The following PHIP variants were observed in gnomAD, a reference collection of about 807,000 sequenced individuals.
The protein encoded by PHIP is PH-interacting protein.
Under a neutral mutation model 236.8 loss-of-function variants are expected in PHIP, and 54 were observed. The observed-to-expected ratio is 0.23, with a 90% confidence interval of 0.18 to 0.29. The LOEUF is 0.29. Ranked by LOEUF, PHIP falls within the 10% of genes least tolerant of loss-of-function variation. The pLI is 1.00. For synonymous variants in PHIP, 756 were observed against 718.9 expected (o/e 1.05, Z -0.83); for missense variants, 1,370 against 2,190.8 (o/e 0.63, Z 7.48).
chr6:79,004,489 T>C, intron 15 of PHIP: 1 of 759,220 alleles, frequency 1.3e-6, no homozygotes, highest in Non-Finnish European at 1.6e-6. Flanking sequence ...TTGCTCTCAG[T>C]GCTTCTTCAG....
intron 35 of PHIP, among the ~76,000 whole-genome samples, chr6:78,953,560 T>C (rs1367267539): frequency 6.6e-6 from 1 of 152,104 alleles, no homozygotes; most frequent in Non-Finnish European, 1.5e-5. Flanking sequence ...CAGTCCCAGG[T>C]TTTTTGAAAG....
intron 24 of PHIP, among the ~76,000 whole-genome samples, chr6:78,975,596 A>T (rs1249418533): frequency 1.3e-5 from 2 of 152,342 alleles, no homozygotes; most frequent in East Asian, 3.9e-4. Context: ...CCCTGTTTGC[A>T]GATGACATGA....
intron 7 of PHIP, among the ~76,000 whole-genome samples, chr6:79,027,046 T>C (rs1445783069): frequency 6.6e-6 from 1 of 152,136 alleles, no homozygotes; most frequent in Non-Finnish European, 1.5e-5. Context: ...CATGTTAGAA[T>C]GCTTAACGAC....
At chr6:78,963,020 TG>T in intron 30 of PHIP, 76 bp downstream of exon 30, 1 of 1,367,928 alleles carries the variant, frequency 7.3e-7, no homozygotes, top group Non-Finnish European at 9.8e-7. Flanking sequence ...AAAAAATTTT[TG>T]TTGGAGAATA....
intron 34 of PHIP, 29 bp downstream of exon 34, chr6:78,955,203 T>C: frequency 1.3e-6 from 2 of 1,491,890 alleles, no homozygotes; most frequent in Non-Finnish European, 1.9e-6. Flanking sequence ...TCATATAAAG[T>C]ACTTCTGCTA....
At chr6:78,954,019 A>G (rs1438738426) in intron 35 of PHIP, among the ~76,000 whole-genome samples, 2 of 152,228 alleles carry the variant, frequency 1.3e-5, no homozygotes, top group Non-Finnish European at 2.9e-5. Flanking sequence ...CATGTATTCC[A>G]TAAAGATTAC....
At chr6:79,077,169 T>C (rs1241909160) in intron 4 of PHIP, among the ~76,000 whole-genome samples, 1 of 151,562 alleles carries the variant, frequency 6.6e-6, no homozygotes, top group African/African-American at 2.4e-5. Flanking sequence ...CCCCTCCTCC[T>C]CCGGCCTTGC....
chr6:78,963,140 T>G lies in PHIP; in HGVS notation c.3492A>C (p.Glu1164Asp), dbSNP rs567792655. ...TTATTCCTGCCACAATTCTTTCACA[T>G]TCTTCATCCCTGGGATTGGTACCCC... ...GEWGTNPRDE[E>D]CERIVAGINQ... The change falls in exon 30 of 40, where the codon GAA becomes GAC. Residue 1164 changes from glutamate to aspartate, a missense_variant. This residue lies in a region of PHIP where 238 missense variants were observed against 398.5 expected (regional missense o/e 0.60). Coordinates refer to ENST00000275034, the MANE Select transcript of PHIP (RefSeq NM_017934.7). 2 of 1,609,322 alleles carry G rather than the reference T, an allele frequency of 1.2e-6. No individual in the cohort carries two copies. Among genetic ancestry groups the G allele is most frequent in the African/African-American group, 1.3e-5 (1 of 74,762 alleles).
chr6:78,992,952 G>GGCTTTTCAT (rs1452227017), intron 19 of PHIP, among the ~76,000 whole-genome samples: 1 of 152,194 alleles, frequency 6.6e-6, no homozygotes, highest in Non-Finnish European at 1.5e-5. Flanking sequence ...TATGCCTCTT[G>GGCTTTTCAT]TGCCCAACAA....
intron 32 of PHIP, chr6:78,956,700 T>C (rs1408520670): frequency 1.3e-5 from 2 of 152,194 alleles, no homozygotes; most frequent in Non-Finnish European, 2.9e-5. Flanking sequence ...ATGGCTTTCT[T>C]TTCATCTAAC....
intron 27 of PHIP, among the ~76,000 whole-genome samples, chr6:78,967,705 A>G (rs1767234460): frequency 6.6e-6 from 1 of 152,208 alleles, no homozygotes; most frequent in East Asian, 1.9e-4. Context: ...ATGCTCATTC[A>G]TTTTAATTCT....
At chr6:79,077,572 C>T (rs1774238603) in intron 3 of PHIP, 65 bp from the exon 4 acceptor site, 1 of 1,018,506 alleles carries the variant, frequency 9.8e-7, no homozygotes. Context: ...CCCTCCCCCG[C>T]CCGCCCCGCG....
rs1401535005 is a variant in PHIP at position 78,966,009 on chromosome 6, T to C, written c.3253A>G (p.Ile1085Val). ...AGTTGAAGAGGTTCCTGGCTTTCGA[T>C]TGTTCCAAACCACCAGGCATCATCT... ...VIDDAWWFGT[I>V]ESQEPLQLEY... The change falls in exon 28 of 40, where the codon ATC becomes GTC. Residue 1085 changes from isoleucine to valine, a missense_variant. This residue lies in a region of PHIP where 238 missense variants were observed against 398.5 expected (regional missense o/e 0.60). Coordinates refer to ENST00000275034, the MANE Select transcript of PHIP (RefSeq NM_017934.7). The C allele has an allele frequency of 1.2e-6, 2 of 1,613,946 alleles. No homozygotes were observed. The highest frequency in any genetic ancestry group is 1.1e-5 in the South Asian group (1 of 91,076).
intron 7 of PHIP, among the ~76,000 whole-genome samples, chr6:79,028,490 T>C (rs1025598254): frequency 2.0e-5 from 3 of 152,184 alleles, no homozygotes; most frequent in African/African-American, 7.2e-5. Flanking sequence ...TGATTATCTG[T>C]TGGAAGTGAA....
rs1011414294 is a variant in PHIP, at chr6:78,941,076, G to A, written c.5083C>T (p.Leu1695Phe). The change falls in exon 40 of 40, where the codon CTT becomes TTT. Residue 1695 changes from leucine to phenylalanine, a missense_variant. By Grantham distance (22) the Leu-to-Phe change is conservative. Around this residue, in one of 14 missense-constraint regions of PHIP, gnomAD observed 309 missense variants for 328.3 expected, o/e 0.94. Coordinates refer to ENST00000275034, the MANE Select transcript of PHIP (RefSeq NM_017934.7). ...TCCTTTACATTATTAGTTTCAGAAAGAAAATTGCATGTTGAAGAAGGAAGT... is the reference window on the plus strand; with the variant it reads ...TCCTTTACATTATTAGTTTCAGAAAAAAAATTGCATGTTGAAGAAGGAAGT... ...EVLPSSTCNF[L>F]SETNNVKEDL... 6.2e-7 allele frequency: 1 copy of A among 1,613,982 alleles called. No homozygotes were observed. Among genetic ancestry groups the A allele is most frequent in the Admixed American group, 1.7e-5 (1 of 60,008 alleles).
At chr6:79,064,601 C>T (rs1214661631) in intron 4 of PHIP, among the ~76,000 whole-genome samples, 1 of 152,160 alleles carries the variant, frequency 6.6e-6, no homozygotes, top group Non-Finnish European at 1.5e-5. Context: ...CTGTTGAACA[C>T]TTCCTCATTT....
intron 33 of PHIP, 37 bp downstream of exon 33, chr6:78,955,576 A>T (rs1274083143): frequency 1.0e-5 from 7 of 702,114 alleles, no homozygotes; most frequent in Admixed American, 2.5e-5. Context: ...TTATATAGAG[A>T]ATATCAATAT....
chr6:79,021,897 G>A (rs1443081406), intron 9 of PHIP, among the ~76,000 whole-genome samples: 2 of 152,080 alleles, frequency 1.3e-5, no homozygotes, highest in Non-Finnish European at 2.9e-5. Context: ...TAATACAAAG[G>A]ATAAATGCTT....
At position 78,946,855 on chromosome 6, in the gene PHIP, C is replaced by A; in HGVS notation, c.4226G>T (p.Arg1409Leu). 1 of 1,568,138 alleles carries A rather than the reference C, an allele frequency of 6.4e-7. No individual in the cohort carries two copies. The highest frequency in any genetic ancestry group is 1.2e-5 in the South Asian group (1 of 83,320). ...GTGTTCTTCAAAGAAAGCAGACAGG[C>A]GCAAACTCATGCTGTAAATCTGTGA... ...KRSRIYSMSL[R>L]LSAFFEEHIS... is the part of the protein sequence containing the mutation. Residue 1409 changes from arginine (R) to leucine (L), a missense_variant, in exon 37 of 40, where the codon CGC (arginine) becomes CTC (leucine). Transcript: ENST00000275034.
Sources: gnomAD v4.1 joint callset for allele counts (sites outside exome capture counted in the v4.1 genomes callset) on GRCh38, gnomAD v4.1.1 for gene constraint, gnomAD v4.1.1 regional missense constraint, MANE v1.5 for transcripts, NCBI Gene and HGNC (gene_info 2026-07-23, HGNC 2026-07-21) for gene names.